Variants in DCP1B observed in about 807,000 individuals in gnomAD.
DCP1B encodes decapping mRNA 1B.
DCP1B carries 47 observed loss-of-function variants against 60.5 expected under a neutral mutation model. The ratio of observed to expected loss-of-function variants is 0.78; its 90% CI spans 0.61 to 0.99. The LOEUF is 0.99. DCP1B is among the 50% of genes least tolerant of loss of function. The probability of loss-of-function intolerance (pLI) is 0.00; values close to 1 mark genes in which losing one functional copy is unlikely to be tolerated. For missense variants in DCP1B, 725 were observed against 756.8 expected (o/e 0.96, Z 0.49); for synonymous variants, 267 against 280.3 (o/e 0.95, Z 0.47).
chr12:1,974,302 C>T (rs2033573644), intron 3 of DCP1B, among the ~76,000 whole-genome samples: 1 of 152,130 alleles, frequency 6.6e-6, no homozygotes, highest in African/African-American at 2.4e-5. Context: ...TCAGCATGGA[C>T]AGTCTCCTCA....
At chr12:1,977,029 G>C (rs1476407027) in intron 3 of DCP1B, among the ~76,000 whole-genome samples, 1 of 152,148 alleles carries the variant, frequency 6.6e-6, no homozygotes, top group Non-Finnish European at 1.5e-5. Flanking sequence ...ACAACCCTCA[G>C]TTATCTCTGG....
intron 1 of DCP1B, among the ~76,000 whole-genome samples, chr12:2,000,565 A>AT (rs1354943141): frequency 6.6e-6 from 1 of 152,168 alleles, no homozygotes; most frequent in South Asian, 2.1e-4. Flanking sequence ...TCTCTAACTT[A>AT]TAACAAGTAA....
intron 8 of DCP1B, among the ~76,000 whole-genome samples, chr12:1,947,333 C>G (rs961870079): frequency 2.0e-5 from 3 of 152,192 alleles, no homozygotes; most frequent in Non-Finnish European, 2.9e-5. Flanking sequence ...ACAGATTTAG[C>G]ATCATTCTCA....
intron 1 of DCP1B, among the ~76,000 whole-genome samples, chr12:2,002,815 C>A (rs1291750286): frequency 1.3e-5 from 2 of 152,072 alleles, no homozygotes; most frequent in East Asian, 1.9e-4. Context: ...TGTAGAATAT[C>A]TTTTTATATA....
chr12:1,955,217 G>A (rs1008313749), intron 6 of DCP1B, among the ~76,000 whole-genome samples: 1 of 152,194 alleles, frequency 6.6e-6, no homozygotes, highest in African/African-American at 2.4e-5. Flanking sequence ...GATTAGCACA[G>A]AATGTGGTAT....
At chr12:1,981,739 G>A (rs1418997082) in intron 3 of DCP1B, among the ~76,000 whole-genome samples, 1 of 152,170 alleles carries the variant, frequency 6.6e-6, no homozygotes, top group Non-Finnish European at 1.5e-5. Context: ...CATATATGCT[G>A]CAGTGAGACA....
chr12:1,963,188 G>A (rs1292459275), intron 5 of DCP1B, among the ~76,000 whole-genome samples: 2 of 152,282 alleles, frequency 1.3e-5, no homozygotes, highest in East Asian at 1.9e-4. Context: ...GATAATCAGC[G>A]GGGTTCAGGA....
intron 5 of DCP1B, among the ~76,000 whole-genome samples, chr12:1,963,913 A>C (rs1336654905): frequency 6.6e-6 from 1 of 152,130 alleles, no homozygotes; most frequent in Non-Finnish European, 1.5e-5. Flanking sequence ...ATTTCCACTT[A>C]ATCTTATGTA....
At chr12:1,990,171 T>G (rs1001634321) in intron 3 of DCP1B, among the ~76,000 whole-genome samples, 11 of 152,228 alleles carry the variant, frequency 7.2e-5, no homozygotes, top group African/African-American at 2.4e-4. Context: ...AACCTTAGTA[T>G]TCTCATTTAT....
chr12:1,997,366 A>G (rs968196542), intron 2 of DCP1B, among the ~76,000 whole-genome samples: 3 of 152,196 alleles, frequency 2.0e-5, no homozygotes, highest in African/African-American at 7.2e-5. Context: ...CGTTGCTACT[A>G]AAAATTAGCT....
chr12:1,953,064 T>C lies in DCP1B; in HGVS notation c.876A>G (p.Pro292=), dbSNP rs904426965. Residue 292 remains proline (P), a synonymous_variant, in exon 7 of 9, where the codon CCA becomes CCG. Transcript: ENST00000280665. ...TCCTGACCATGAGTTTCTGAATGGC[T>C]GGACAGAGCTGCTTCTCAATGGGGG... is the stretch of plus-strand genomic sequence containing the variant. ...HSPPIEKQLC[P]AIQKLMVRSA... is the part of the protein sequence containing the mutation. 6.2e-7 allele frequency: 1 copy of C among 1,614,150 alleles called. No homozygotes were observed. Among genetic ancestry groups the C allele is most frequent in the Non-Finnish European group, 8.5e-7 (1 of 1,180,016 alleles).
At chr12:1,989,483 G>T (rs1307071249) in intron 3 of DCP1B, among the ~76,000 whole-genome samples, 2 of 152,256 alleles carry the variant, frequency 1.3e-5, no homozygotes, top group Non-Finnish European at 2.9e-5. Flanking sequence ...GGGAGGCCAA[G>T]GTGGGTGATC....
rs1246217159 is a variant in DCP1B, at chr12:1,948,969, C to G, written c.1773+117G>C. On this transcript the variant is annotated intron_variant, in intron 8 of 8. Coordinates refer to ENST00000280665, the MANE Select transcript of DCP1B (RefSeq NM_152640.5). The surrounding 1 kb of genome is among the most constrained non-coding windows in gnomAD (Gnocchi z 4.8). ...GCTGGGGTCAGGATGAGTTGTTACA[C>G]ACACCTGTTATTCTCACGGAAGCTA... 7.3e-7 allele frequency: 1 copy of G among 1,365,432 alleles called. No individual in the cohort carries two copies. Among genetic ancestry groups the G allele is most frequent in the East Asian group, 2.4e-5 (1 of 42,342 alleles). 84.6% of individuals were successfully genotyped at this position (1,365,432 alleles called of 1,614,324 possible). A position where few individuals can be genotyped will look rare whatever the true frequency, so the allele number is the denominator to read the frequency against.
intron 3 of DCP1B, among the ~76,000 whole-genome samples, chr12:1,970,590 A>C (rs2031948302): frequency 6.6e-6 from 1 of 152,192 alleles, no homozygotes; most frequent in Non-Finnish European, 1.5e-5. Flanking sequence ...TCTTAGCCCT[A>C]AGGTCTACCA....
intron 5 of DCP1B, among the ~76,000 whole-genome samples, chr12:1,957,147 A>T (rs745688582): frequency 2.0e-4 from 30 of 152,192 alleles, no homozygotes; most frequent in Non-Finnish European, 3.7e-4. Context: ...TTAATTTTGT[A>T]TGCTTTTCCC....
chr12:1,944,888 A>T (rs1269160916), downstream of DCP1B, among the ~76,000 whole-genome samples: 1 of 152,218 alleles, frequency 6.6e-6, no homozygotes, highest in Non-Finnish European at 1.5e-5. Context: ...AGACTTCATG[A>T]CTAAAACACC....
At chr12:2,004,159 G>T in intron 1 of DCP1B, 123 bp downstream of exon 1, 1 of 1,409,672 alleles carries the variant, frequency 7.1e-7, no homozygotes, top group South Asian at 1.3e-5. Flanking sequence ...TCAGTCCCCA[G>T]ATCCACCCAC....
chr12:1,951,566 G>GT (rs1196810781), intron 7 of DCP1B, among the ~76,000 whole-genome samples: 1 of 152,282 alleles, frequency 6.6e-6, no homozygotes, highest in East Asian at 1.9e-4. Flanking sequence ...GGCAGTTTGT[G>GT]TGGGGGGTGG....
In DCP1B at chr12:1,949,131, T is replaced by C. The variant is rs1266911747; in HGVS notation, c.1728A>G (p.Pro576=). The C allele has an allele frequency of 1.2e-6, 2 of 1,613,972 alleles. No homozygotes were observed. The highest frequency in any genetic ancestry group is 1.7e-6 in the Non-Finnish European group (2 of 1,179,960). ...CCTCCTGGAGCTGGAGCTTGGTGAG[T>C]GGGCTGCTGGTGATCACGGAGGGCT... The part of the protein sequence containing the change: ...SPEPSVITSS[P]LTKLQLQEAL... Residue 576 remains proline (P), a synonymous_variant, in exon 8 of 9, where the codon CCA becomes CCG. Transcript: ENST00000280665.
Sources: allele counts gnomAD v4.1 joint callset (sites outside exome capture counted in the v4.1 genomes callset), GRCh38; gene constraint gnomAD v4.1.1; non-coding constraint Gnocchi (gnomAD v3.1); transcripts MANE v1.5; gene names NCBI Gene and HGNC (gene_info 2026-07-23, HGNC 2026-07-21).